Variants in NCOA7 observed in about 807,000 individuals in gnomAD.
The protein encoded by NCOA7 is 140 kDa estrogen receptor-associated protein.
NCOA7 carries 45 observed loss-of-function variants against 104.3 expected under a neutral mutation model. The ratio of observed to expected loss-of-function variants is 0.43; its 90% CI spans 0.34 to 0.55. The LOEUF is 0.55. Ranked by LOEUF, NCOA7 falls within the 20% of genes least tolerant of loss-of-function variation. The pLI, the probability that NCOA7 is intolerant of heterozygous loss-of-function variation, is 0.02. For synonymous variants in NCOA7, 398 were observed against 402.3 expected, an observed-to-expected ratio of 0.99 and a Z score of 0.13; for missense variants, 1,041 against 1,119.7, an observed-to-expected ratio of 0.93 and a Z score of 1.00.
At chr6:125,834,246 T>A (rs1269689332) in intron 2 of NCOA7, among the ~76,000 whole-genome samples, 1 of 152,200 alleles carries the variant, frequency 6.6e-6, no homozygotes, top group South Asian at 2.1e-4. Flanking sequence ...TAGAGAAAAC[T>A]AAAGTGACTT....
In NCOA7 at chr6:125,874,337, G is replaced by A. The variant is rs189732423; in HGVS notation, c.272-552G>A. On this transcript the variant is annotated intron_variant, in intron 3 of 15. Coordinates refer to ENST00000392477, the MANE Select transcript of NCOA7 (RefSeq NM_181782.5). ...GAGACTCTTGTCTCAAAAAAAGCCC[G>A]AAAAATAGTAAAATCCGTGGTCCAA... 4.9e-3 allele frequency among the ~76,000 whole-genome samples: 752 copies of A among 152,226 alleles called. 8 individuals carry two copies. The highest frequency in any genetic ancestry group is 6.3e-3 in the Non-Finnish European group (427 of 68,000).
intron 1 of NCOA7, among the ~76,000 whole-genome samples, chr6:125,800,879 TAGGC>T (rs1334858731): frequency 6.6e-6 from 1 of 152,094 alleles, no homozygotes; most frequent in Non-Finnish European, 1.5e-5. Context: ...ATACAAAAAT[TAGGC>T]AGGTGTCGGG....
chr6:125,882,822 T>C (rs887657819), intron 7 of NCOA7, among the ~76,000 whole-genome samples: 4 of 152,182 alleles, frequency 2.6e-5, no homozygotes, highest in Admixed American at 6.5e-5. Flanking sequence ...AGGGAGACAA[T>C]ATACTGTACA....
At chr6:125,893,993 T>G (rs972018456) in intron 10 of NCOA7, among the ~76,000 whole-genome samples, 12 of 152,270 alleles carry the variant, frequency 7.9e-5, no homozygotes, top group African/African-American at 2.4e-4. Flanking sequence ...GCTGGGGAGA[T>G]CTGCAGTTTC....
At chr6:125,875,082 A>G (rs771160384) in intron 4 of NCOA7, 114 bp downstream of exon 4, 1 of 729,936 alleles carries the variant, frequency 1.4e-6, no homozygotes, top group Non-Finnish European at 2.3e-6. Context: ...CCATTAAACA[A>G]TCAAGCTTCT....
intron 11 of NCOA7, among the ~76,000 whole-genome samples, chr6:125,916,968 TTCA>T (rs1219301039): frequency 1.1e-4 from 16 of 152,342 alleles, no homozygotes; most frequent in South Asian, 2.1e-4. Context: ...CAATGTTTCC[TTCA>T]TCATGTTGAA....
At chr6:125,793,265 T>G (rs1209406838) in intron 1 of NCOA7, among the ~76,000 whole-genome samples, 1 of 152,228 alleles carries the variant, frequency 6.6e-6, no homozygotes, top group Admixed American at 6.5e-5. Context: ...GAGCAATTAA[T>G]TTACCTGGCT....
intron 2 of NCOA7, among the ~76,000 whole-genome samples, chr6:125,822,257 C>T (rs776200581): frequency 1.3e-5 from 2 of 152,112 alleles, no homozygotes; most frequent in Non-Finnish European, 2.9e-5. Context: ...ATACATAAAA[C>T]GCAAATAGAA....
At chr6:125,838,093 A>C (rs1045447045) in intron 2 of NCOA7, among the ~76,000 whole-genome samples, 8 of 152,180 alleles carry the variant, frequency 5.3e-5, no homozygotes, top group African/African-American at 1.9e-4. Flanking sequence ...ATGAACTCAT[A>C]AAAGGCAGAT....
intron 2 of NCOA7, among the ~76,000 whole-genome samples, chr6:125,816,126 C>T (rs1777571196): frequency 6.6e-6 from 1 of 152,112 alleles, no homozygotes. Context: ...TGAATTTAGC[C>T]TCATTCCATC....
At chr6:125,922,603 G>A (rs1787678096) in intron 12 of NCOA7, 79 bp from the exon 13 acceptor site, 1 of 1,515,678 alleles carries the variant, frequency 6.6e-7, no homozygotes, top group Non-Finnish European at 9.0e-7. Context: ...TTGAATAACA[G>A]GCATTTGTTT....
intron 2 of NCOA7, among the ~76,000 whole-genome samples, chr6:125,846,327 G>A (rs1780605517): frequency 6.6e-6 from 1 of 150,932 alleles, no homozygotes; most frequent in Admixed American, 6.6e-5. Flanking sequence ...AGACCCTTGG[G>A]ATGGTTTAGT....
chr6:125,905,245 G>A (rs1286718201), intron 10 of NCOA7, among the ~76,000 whole-genome samples: 1 of 150,000 alleles, frequency 6.7e-6, no homozygotes, highest in Non-Finnish European at 1.5e-5. Context: ...GGTGAGGGAA[G>A]GAATAAGATT....
At chr6:125,859,240 A>C (rs1326479924) in intron 3 of NCOA7, among the ~76,000 whole-genome samples, 1 of 152,026 alleles carries the variant, frequency 6.6e-6, no homozygotes, top group Non-Finnish European at 1.5e-5. Context: ...GAGGGAGGAA[A>C]AAAAAAAACA....
intron 10 of NCOA7, among the ~76,000 whole-genome samples, chr6:125,905,273 T>TG (rs397755581): frequency 6.7e-6 from 1 of 150,034 alleles, no homozygotes; most frequent in East Asian, 1.9e-4. Context: ...TTTTTTTTTT[T>TG]GAGACAGAGT....
intron 2 of NCOA7, among the ~76,000 whole-genome samples, chr6:125,817,408 G>T (rs1367215660): frequency 1.3e-5 from 2 of 152,154 alleles, no homozygotes; most frequent in African/African-American, 2.4e-5. Context: ...AATCCAGTTT[G>T]TCTGCATTGT....
At chr6:125,791,319 G>A (rs1774834874) in intron 1 of NCOA7, among the ~76,000 whole-genome samples, 1 of 152,260 alleles carries the variant, frequency 6.6e-6, no homozygotes, top group African/African-American at 2.4e-5. Context: ...GGCTCGTGGG[G>A]GTGCGCGCCA....
intron 4 of NCOA7, 86 bp downstream of exon 4, chr6:125,875,054 T>C: frequency 3.0e-6 from 3 of 995,754 alleles, no homozygotes; most frequent in Non-Finnish European, 4.7e-6. Context: ...GCCCCTTGGC[T>C]GCATTCCTCT....
chr6:125,891,398 C>T (rs1207859231), intron 10 of NCOA7, among the ~76,000 whole-genome samples: 1 of 152,140 alleles, frequency 6.6e-6, no homozygotes, highest in Non-Finnish European at 1.5e-5. Context: ...AGAAATTCTT[C>T]AACAGTATAT....
Sources: gnomAD v4.1 joint callset for allele counts (sites outside exome capture counted in the v4.1 genomes callset) on GRCh38, gnomAD v4.1.1 for gene constraint, MANE v1.5 for transcripts, NCBI Gene and HGNC (gene_info 2026-07-23, HGNC 2026-07-21) for gene names.